ERCC6L2: variants seen among roughly 807,000 people sequenced by gnomAD.
ERCC6L2 encodes the protein DNA excision repair protein ERCC-6-like 2.
A neutral mutation model predicts 132.0 loss-of-function variants in ERCC6L2; 77 were observed. That is an observed-to-expected ratio of 0.58 (90% confidence interval 0.49 to 0.71). The LOEUF (loss-of-function observed/expected upper bound fraction) is 0.71, where lower values mean the gene tolerates loss of function less well. ERCC6L2 is among the 30% of genes least tolerant of loss of function. ERCC6L2 has a pLI of 0.00. For missense variants in ERCC6L2, 1,542 were observed against 1,837.6 expected, an observed-to-expected ratio of 0.84 and a Z score of 2.94; for synonymous variants, 583 against 632.4, an observed-to-expected ratio of 0.92 and a Z score of 1.17.
intron 11 of ERCC6L2, among the ~76,000 whole-genome samples, chr9:95,931,673 G>T (rs1830344599): frequency 6.6e-6 from 1 of 152,072 alleles, no homozygotes. Context: ...TAGATGGTGT[G>T]GCTAAATAGA....
intron 4 of ERCC6L2, among the ~76,000 whole-genome samples, chr9:95,910,196 A>C (rs1186358821): frequency 1.3e-5 from 2 of 152,150 alleles, no homozygotes; most frequent in African/African-American, 4.8e-5. Context: ...AATTGTAGAT[A>C]TGTTTATTTC....
At chr9:95,888,013 G>A (rs1429159021) in intron 2 of ERCC6L2, among the ~76,000 whole-genome samples, 1 of 151,032 alleles carries the variant, frequency 6.6e-6, no homozygotes, top group African/African-American at 2.4e-5. Flanking sequence ...TGATTTTAGG[G>A]GAGAGCTTTG....
At chr9:96,029,318 A>G (rs12338462) in intron 19 of ERCC6L2, among the ~76,000 whole-genome samples, 1 of 148,302 alleles carries the variant, frequency 6.7e-6, no homozygotes, top group Non-Finnish European at 1.5e-5. Context: ...AAAAAAAAAA[A>G]AAAAACAAAA....
intron 4 of ERCC6L2, among the ~76,000 whole-genome samples, chr9:95,911,498 A>G (rs1416015293): frequency 6.6e-6 from 1 of 152,110 alleles, no homozygotes; most frequent in East Asian, 1.9e-4. Flanking sequence ...ACTATAAATC[A>G]TATATTTATA....
intron 8 of ERCC6L2, 35 bp from the exon 9 acceptor site, chr9:95,923,225 T>G (rs1251440797): frequency 6.2e-7 from 1 of 1,606,484 alleles, no homozygotes; most frequent in Non-Finnish European, 8.5e-7. Context: ...ATGTGTTAAG[T>G]GGAAATATCT....
At chr9:95,956,629 G>A (rs957938590) in intron 13 of ERCC6L2, among the ~76,000 whole-genome samples, 2 of 152,144 alleles carry the variant, frequency 1.3e-5, no homozygotes, top group Non-Finnish European at 2.9e-5. Context: ...GGGGAAGCAA[G>A]CATGCCCTTC....
At chr9:95,901,489 T>C (rs1322561913) in intron 3 of ERCC6L2, among the ~76,000 whole-genome samples, 2 of 152,224 alleles carry the variant, frequency 1.3e-5, no homozygotes, top group African/African-American at 2.4e-5. Flanking sequence ...GCCATTATTT[T>C]TCTTGACTTA....
Position 95,907,337 on chromosome 9 carries a change from A to AG in ERCC6L2, c.788+67dup. ...TCTACTTACATCCCTTTATATTAAG[A>AG]GTTTTTTTTTTTTTTTTTTTGAGAC... On this transcript the variant is annotated intron_variant, in intron 4 of 18. Transcript: ENST00000653738. 1.4e-5 allele frequency: 8 copies of AG among 558,546 alleles called. 1 individual carries two copies. In the Admixed American group the frequency reaches 3.1e-4, roughly 22 times the overall value. The allele number at this position is 558,546 out of a possible 1,614,324, so 34.6% of individuals were successfully genotyped here. A position where few individuals can be genotyped will look rare whatever the true frequency, so the allele number is the denominator to read the frequency against.
At chr9:95,927,976 T>C (rs982112722) in intron 9 of ERCC6L2, 103 bp from the exon 10 acceptor site, 45 of 778,084 alleles carry the variant, frequency 5.8e-5, no homozygotes, top group Non-Finnish European at 8.8e-5. Context: ...GAGGTTAGTA[T>C]TGTATGAAAA....
chr9:95,880,964 G>A lies in ERCC6L2; in HGVS notation c.142G>A (p.Gly48Ser). 6.2e-7 allele frequency: 1 copy of A among 1,613,910 alleles called. No individual in the cohort carries two copies. The highest frequency in any genetic ancestry group is 8.5e-7 in the Non-Finnish European group (1 of 1,179,892). Reference protein sequence around the residue: ...SIKSITVDENGKSFAVVLYAD... With the variant: ...SIKSITVDENSKSFAVVLYAD... ...AAAATCTATCACAGTGGATGAAAAT[G>A]GCAAGTCATTTGCAGTCGTCTTATA... is the stretch of plus-strand genomic sequence containing the variant. Residue 48 changes from glycine (G) to serine (S), a missense_variant, in exon 2 of 19, where the codon GGC becomes AGC. Around this residue, in one of 4 missense-constraint regions of ERCC6L2, gnomAD observed 153 missense variants for 132.3 expected, o/e 1.16. Coordinates refer to ENST00000653738, the MANE Select transcript of ERCC6L2 (RefSeq NM_020207.7).
chr9:95,902,154 CTGAA>C (rs34908737), intron 3 of ERCC6L2, among the ~76,000 whole-genome samples: 89,436 of 151,422 alleles, frequency 0.59, 26,599 homozygotes, highest in East Asian at 0.78. Context: ...AATAAATCAT[CTGAA>C]TAAGAATGCA....
chr9:95,954,441 G>C (rs1308348766), intron 12 of ERCC6L2, among the ~76,000 whole-genome samples: 4 of 152,162 alleles, frequency 2.6e-5, no homozygotes, highest in African/African-American at 9.7e-5. Flanking sequence ...TCCTTCCACT[G>C]ACTCTGACAG....
chr9:95,963,276 G>T (rs1465622741), intron 13 of ERCC6L2, among the ~76,000 whole-genome samples: 4 of 151,796 alleles, frequency 2.6e-5, no homozygotes, highest in African/African-American at 4.8e-5. Flanking sequence ...CCTATTTGCT[G>T]ACATTTTACA....
At chr9:96,037,480 A>G (rs1834532962) in intron 19 of ERCC6L2, among the ~76,000 whole-genome samples, 1 of 152,206 alleles carries the variant, frequency 6.6e-6, no homozygotes, top group Admixed American at 6.5e-5. Context: ...TTATTTTCCA[A>G]GATAAATTAA....
chr9:96,005,209 A>G (rs1833825479), intron 18 of ERCC6L2, among the ~76,000 whole-genome samples: 1 of 152,052 alleles, frequency 6.6e-6, no homozygotes, highest in Non-Finnish European at 1.5e-5. Flanking sequence ...GCTACTCAGG[A>G]GGCTGAGGCA....
At chr9:95,969,105 C>G (rs1016354180) in intron 14 of ERCC6L2, among the ~76,000 whole-genome samples, 3 of 152,036 alleles carry the variant, frequency 2.0e-5, no homozygotes, top group Admixed American at 6.6e-5. Flanking sequence ...GAGGAACATG[C>G]CCCGTGTGAT....
At chr9:96,020,336 G>C (rs1019688739), downstream of ERCC6L2, 1 of 181,484 alleles carries the variant, frequency 5.5e-6, no homozygotes, top group Non-Finnish European at 1.2e-5. Flanking sequence ...AACCATATCA[G>C]GGGGCCAGGC....
At chr9:95,990,877 A>C (rs975550819) in intron 17 of ERCC6L2, among the ~76,000 whole-genome samples, 3 of 152,104 alleles carry the variant, frequency 2.0e-5, no homozygotes, top group African/African-American at 7.2e-5. Flanking sequence ...AGGTCATATG[A>C]ACTGTTTGAA....
intron 12 of ERCC6L2, among the ~76,000 whole-genome samples, chr9:95,945,552 G>A (rs1831020179): frequency 6.6e-6 from 1 of 152,216 alleles, no homozygotes; most frequent in African/African-American, 2.4e-5. Context: ...GAAGTGATAA[G>A]TGTCCATGAA....
Sources: gnomAD v4.1 joint callset for allele counts (sites outside exome capture counted in the v4.1 genomes callset) on GRCh38, gnomAD v4.1.1 for gene constraint, gnomAD v4.1.1 regional missense constraint, MANE v1.5 for transcripts, NCBI Gene and HGNC (gene_info 2026-07-23, HGNC 2026-07-21) for gene names.